COL6A3: variants seen among roughly 807,000 people sequenced by gnomAD.
COL6A3 encodes the protein collagen type VI alpha 3 chain.
A neutral mutation model predicts 274.1 loss-of-function variants in COL6A3; 137 were observed. That is an observed-to-expected ratio of 0.50 (90% CI 0.44 to 0.58). The LOEUF is 0.58. Among genes scored for constraint, COL6A3 ranks in the 20% least tolerant of loss-of-function variants. The probability of loss-of-function intolerance (pLI) is 0.00; values close to 1 mark genes in which losing one functional copy is unlikely to be tolerated. For missense variants in COL6A3, 3,950 were observed against 4,124.9 expected, an observed-to-expected ratio of 0.96 and a Z score of 1.16; for synonymous variants, 1,650 against 1,650.6, an observed-to-expected ratio of 1.00 and a Z score of 0.01.
intron 39 of COL6A3, among the ~76,000 whole-genome samples, chr2:237,337,510 G>A (rs1700609182): frequency 6.6e-6 from 1 of 152,140 alleles, no homozygotes; most frequent in Non-Finnish European, 1.5e-5. Context: ...TAGACAGAAG[G>A]GTCTGCAGTA....
chr2:237,362,693 A>G (rs1272989184), intron 14 of COL6A3, among the ~76,000 whole-genome samples: 1 of 152,052 alleles, frequency 6.6e-6, no homozygotes, highest in Non-Finnish European at 1.5e-5. Flanking sequence ...GCTCAGCCCC[A>G]CATCTTCCAA....
intron 27 of COL6A3, among the ~76,000 whole-genome samples, chr2:237,350,692 G>T (rs892991289): frequency 2.0e-5 from 3 of 152,212 alleles, no homozygotes; most frequent in Non-Finnish European, 4.4e-5. Context: ...CAGGGTCGGG[G>T]CTCTTGGATG....
At position 237,360,082 on chromosome 2, in the gene COL6A3, C is replaced by A. The variant is rs375003188; in HGVS notation, c.6282+6G>T. Reference sequence around the variant, plus strand: ...CACGCTAGCAACCCCATCACCCACGCCTCACCTTTACTCCTCTCTGGCCCG... The same window carrying A: ...CACGCTAGCAACCCCATCACCCACGACTCACCTTTACTCCTCTCTGGCCCG... On this transcript the variant is annotated splice_donor_region_variant and intron_variant, in intron 17 of 43. Coordinates refer to ENST00000295550, the MANE Select transcript of COL6A3 (RefSeq NM_004369.4). 6.2e-7 allele frequency: 1 copy of A among 1,614,112 alleles called. No homozygotes were observed. The highest frequency in any genetic ancestry group is 8.5e-7 in the Non-Finnish European group (1 of 1,180,010).
chr2:237,387,087 A>C (rs2106377435), intron 4 of COL6A3, among the ~76,000 whole-genome samples: 1 of 152,310 alleles, frequency 6.6e-6, no homozygotes, highest in Admixed American at 6.5e-5. Context: ...TCAGAAGTAT[A>C]ACTCTCAGCA....
At chr2:237,356,075 C>A (rs1221374455) in intron 23 of COL6A3, among the ~76,000 whole-genome samples, 1 of 152,186 alleles carries the variant, frequency 6.6e-6, no homozygotes, top group Non-Finnish European at 1.5e-5. Flanking sequence ...GGCCATTAGA[C>A]CACAAAAGGA....
chr2:237,387,593 A>C lies in COL6A3; in HGVS notation c.1301T>G (p.Ile434Ser). The stretch of plus-strand genomic sequence containing the variant: ...AAGAGGATACATACCTTGTGTGACA[A>C]TGGTTGGCGGTTTCAAGACAATGTG... The part of the protein sequence containing the change: ...QRHIVLKPPT[I>S]VTQVIEVNKR... Residue 434 changes from isoleucine (I) to serine (S), a missense_variant, in exon 4 of 44, where the codon ATT becomes AGT. By Grantham distance (142) the Ile-to-Ser change is moderately radical. Around this residue, in one of 5 missense-constraint regions of COL6A3, gnomAD observed 1,934 missense variants for 1,984.3 expected, o/e 0.97. Transcript: ENST00000295550. 1 of 1,613,982 alleles carries C rather than the reference A, an allele frequency of 6.2e-7. No homozygotes were observed. Among genetic ancestry groups the C allele is most frequent in the Non-Finnish European group, 8.5e-7 (1 of 1,179,938 alleles).
rs201178064 is a variant in COL6A3, at chr2:237,368,774, G to C, written c.4689C>G (p.Ile1563Met). The C allele has an allele frequency of 5.6e-6, 9 of 1,614,220 alleles. No homozygotes were observed. Among genetic ancestry groups the C allele is most frequent in the Non-Finnish European group, 6.8e-6 (8 of 1,180,042 alleles). ...CTAAACTCACAATGCCCGAGGAACG[G>C]ATCACCTGGGCGAACCTGGACACAT... ...QDDVSRFAQV[I>M]RSSGIVSLGV... Residue 1563 changes from isoleucine to methionine, a missense_variant, in exon 10 of 44, where the codon ATC becomes ATG. Physicochemically the swap from Ile to Met is conservative, Grantham distance 10 (BLOSUM62 1). This residue lies in a region of COL6A3 where 632 missense variants were observed against 623.4 expected (regional missense o/e 1.01). Coordinates refer to ENST00000295550, the MANE Select transcript of COL6A3 (RefSeq NM_004369.4). This position sits in a 1 kb window ranked among gnomAD's most constrained non-coding sequence, Gnocchi z 4.4.
rs1451646471 is a variant in COL6A3, at chr2:237,348,335, C to T, written c.6966+14G>A. The T allele has an allele frequency of 6.2e-7, 1 of 1,605,168 alleles. No individual in the cohort carries two copies. Among genetic ancestry groups the T allele is most frequent in the Non-Finnish European group, 8.5e-7 (1 of 1,171,900 alleles). On this transcript the variant is annotated intron_variant, in intron 30 of 43. Coordinates refer to ENST00000295550, the MANE Select transcript of COL6A3 (RefSeq NM_004369.4). ...AAAATCATGATGATGCTTCACCGAC[C>T]AGGGATTATTTACCTTTGGTCCTGG...
rs1468004640 is a variant in COL6A3 at position 237,333,528 on chromosome 2, G to A, written c.9250C>T (p.Pro3084Ser). The A allele has an allele frequency of 3.1e-6, 5 of 1,614,072 alleles. No homozygotes were observed. Among genetic ancestry groups the A allele is most frequent in the Non-Finnish European group, 4.2e-6 (5 of 1,180,036 alleles). The change falls in exon 42 of 44, where the codon CCA becomes TCA. Residue 3084 changes from proline (P) to serine (S), a missense_variant. By Grantham distance (74) the Pro-to-Ser change is moderately conservative. Transcript: ENST00000295550. ...CTAGAAGCTGACCTTGCTGGCTGTG[G>A]AGGTGGGGGCTGAGATTTCTCTATA... is the stretch of plus-strand genomic sequence containing the variant. ...FSTKKSQPPPPQPARSASSST... is the reference protein window; with the variant it reads ...FSTKKSQPPPSQPARSASSST...
rs376021820 is a variant in COL6A3 at position 237,336,254 on chromosome 2, G to A, written c.8846C>T (p.Pro2949Leu). 5.3e-5 allele frequency: 86 copies of A among 1,614,056 alleles called. No homozygotes were observed. The highest frequency in any genetic ancestry group is 4.8e-4 in the Admixed American group (29 of 60,034). ...ATAAKPVAAK[P>L]AAVRPPAAAA... ...AGCAGCGGGGGGTCTTACAGCTGCT[G>A]GCTTTGCTGCTACAGGCTTCGCTGC... The change falls in exon 40 of 44, where the codon CCA becomes CTA. Residue 2949 changes from proline (P) to leucine (L), a missense_variant. Pro to Leu is a moderately conservative substitution (Grantham distance 98). Coordinates refer to ENST00000295550, the MANE Select transcript of COL6A3 (RefSeq NM_004369.4).
chr2:237,332,082 TA>T (rs1159302372), intron 42 of COL6A3, among the ~76,000 whole-genome samples: 1 of 13,074 alleles, frequency 7.6e-5, no homozygotes, highest in African/African-American at 3.2e-4. Flanking sequence ...TATATATATA[TA>T]TATATATATA....
chr2:237,401,906 A>T (rs2078599789), intron 1 of COL6A3, among the ~76,000 whole-genome samples: 1 of 152,044 alleles, frequency 6.6e-6, no homozygotes, highest in Admixed American at 6.6e-5. Context: ...GCTGGTCTTG[A>T]ACTCCTGGGC....
In COL6A3 at chr2:237,339,123, G is replaced by GA. The variant is rs111494366; in HGVS notation, c.8465-7dup. ...CAAGTAAAAAGCATTTTCACCTAAA[G>GA]AAAAAAAACAAAGAAAACAATTGAA... On this transcript the variant is annotated splice_polypyrimidine_tract_variant and splice_region_variant and intron_variant, in intron 38 of 43. Transcript: ENST00000295550. 272 of 1,596,736 alleles carry GA rather than the reference G, an allele frequency of 1.7e-4. 1 individual carries two copies. The Admixed American group carries it at 1.8e-3, about 11-fold the overall frequency.
chr2:237,347,961 G>A (rs2077129815), intron 30 of COL6A3, 92 bp from the exon 31 acceptor site: 7 of 1,200,358 alleles, frequency 5.8e-6, no homozygotes, highest in Non-Finnish European at 8.5e-6. Context: ...AGACGTGTGG[G>A]TCACACTTTT....
rs1559231553 is a variant in COL6A3, at chr2:237,363,389, G to C, written c.5927C>G (p.Ala1976Gly). ...SENLRQEGVR[A>G]LILVGLERVV... is the part of the protein sequence containing the mutation. ...TCGTTCAAGGCCCACCAGGATCAAG[G>C]CACGGACTCCTGCAAAGAAAGACAC... is the stretch of plus-strand genomic sequence containing the variant. Residue 1976 changes from alanine to glycine, a missense_variant, in exon 14 of 44, where the codon GCC becomes GGC. Ala to Gly is a moderately conservative substitution (Grantham distance 60). This residue lies in a region of COL6A3 where 632 missense variants were observed against 623.4 expected (regional missense o/e 1.01). Transcript: ENST00000295550. 6.2e-7 allele frequency: 1 copy of C among 1,614,120 alleles called. No homozygotes were observed. The highest frequency in any genetic ancestry group is 2.2e-5 in the East Asian group (1 of 44,886).
chr2:237,391,242 C>T (rs930887004), intron 3 of COL6A3, among the ~76,000 whole-genome samples: 1 of 151,526 alleles, frequency 6.6e-6, no homozygotes. Flanking sequence ...TTAGAAAAGA[C>T]ACATGAATGG....
Position 237,345,652 on chromosome 2 carries a change from G to A in COL6A3, c.7093-439C>T, listed in dbSNP as rs113041053. On this transcript the variant is annotated intron_variant, in intron 32 of 43. Coordinates refer to ENST00000295550, the MANE Select transcript of COL6A3 (RefSeq NM_004369.4). ...GAATTCCACCCCGAGGAGCTCTAGGGACTGACTCGTGGCTTCCCTCAGTGT... is the reference window on the plus strand; with the variant it reads ...GAATTCCACCCCGAGGAGCTCTAGGAACTGACTCGTGGCTTCCCTCAGTGT... Among the ~76,000 whole-genome samples the A allele has an allele frequency of 1.1e-3, 161 of 152,296 alleles. 1 individual carries two copies. The highest frequency in any genetic ancestry group is 9.1e-3 in the South Asian group (44 of 4,818).
At chr2:237,343,930 A>G (rs2077045625) in intron 36 of COL6A3, 1 of 299,874 alleles carries the variant, frequency 3.3e-6, no homozygotes, top group African/African-American at 2.2e-5. Context: ...CCAGCCAGTT[A>G]TGGGAAGCAA....
chr2:237,331,822 G>T (rs1700243239), intron 42 of COL6A3, among the ~76,000 whole-genome samples: 1 of 151,030 alleles, frequency 6.6e-6, no homozygotes, highest in African/African-American at 2.4e-5. Context: ...CACATGAAAT[G>T]GTGAGAGGAC....
Sources: gnomAD v4.1 joint callset for allele counts (sites outside exome capture counted in the v4.1 genomes callset) on GRCh38, gnomAD v4.1.1 for gene constraint, gnomAD v4.1.1 regional missense constraint, Gnocchi (gnomAD v3.1) non-coding constraint, MANE v1.5 for transcripts, NCBI Gene and HGNC (gene_info 2026-07-23, HGNC 2026-07-21) for gene names.